Variants in DAB1 observed in about 807,000 individuals in gnomAD.
The protein encoded by DAB1 is disabled homolog 1.
A neutral mutation model predicts 64.6 loss-of-function variants in DAB1; 15 were observed. That is an observed-to-expected ratio of 0.23 (90% confidence interval 0.16 to 0.36). The LOEUF (loss-of-function observed/expected upper bound fraction) is 0.36, where lower values mean the gene tolerates loss of function less well. Ranked by LOEUF, DAB1 falls within the 10% of genes least tolerant of loss-of-function variation. The pLI, the probability that DAB1 is intolerant of heterozygous loss-of-function variation, is 1.00. For missense variants in DAB1, 596 were observed against 706.7 expected, an observed-to-expected ratio of 0.84 and a Z score of 1.78; for synonymous variants, 235 against 251.9, an observed-to-expected ratio of 0.93 and a Z score of 0.64.
At chr1:57,965,666 C>G (rs370186901) in intron 5 of DAB1, among the ~76,000 whole-genome samples, 64 of 152,236 alleles carry the variant, frequency 4.2e-4, no homozygotes, top group African/African-American at 1.5e-3. Flanking sequence ...CCCTTCATCT[C>G]TCCATCCAAC....
chr1:57,572,800 G>C (rs908213863), intron 7 of DAB1, among the ~76,000 whole-genome samples: 1 of 152,180 alleles, frequency 6.6e-6, no homozygotes, highest in Admixed American at 6.5e-5. Context: ...GAGGCCTCAG[G>C]AGGCTTATAA....
At chr1:57,377,403 C>T (rs193161109) in intron 1 of DAB1, among the ~76,000 whole-genome samples, 22 of 152,226 alleles carry the variant, frequency 1.4e-4, no homozygotes, top group Non-Finnish European at 2.6e-4. Context: ...ATGAAGATAC[C>T]TGAGCACCAC....
At chr1:57,902,249 C>G (rs1286601458) in intron 5 of DAB1, among the ~76,000 whole-genome samples, 1 of 151,878 alleles carries the variant, frequency 6.6e-6, no homozygotes, top group East Asian at 1.9e-4. Context: ...ACTAGATTCA[C>G]CAAATGTTAA....
intron 2 of DAB1, among the ~76,000 whole-genome samples, chr1:57,154,013 T>C (rs1659974754): frequency 1.3e-5 from 2 of 152,198 alleles, no homozygotes; most frequent in African/African-American, 4.8e-5. Flanking sequence ...TCATGGAGAA[T>C]GGAGTATCTA....
chr1:57,778,175 T>C (rs1341836096), intron 6 of DAB1, among the ~76,000 whole-genome samples: 2 of 152,084 alleles, frequency 1.3e-5, no homozygotes, highest in Non-Finnish European at 2.9e-5. Context: ...CATATGCATA[T>C]GATATGATAG....
intron 5 of DAB1, among the ~76,000 whole-genome samples, chr1:57,953,063 T>A (rs959453676): frequency 1.3e-5 from 2 of 152,246 alleles, no homozygotes; most frequent in African/African-American, 2.4e-5. Flanking sequence ...GAGTCTCATC[T>A]TATAGAGGCA....
At chr1:57,028,196 T>C (rs189619580) in intron 9 of DAB1, among the ~76,000 whole-genome samples, 8 of 152,286 alleles carry the variant, frequency 5.3e-5, no homozygotes, top group African/African-American at 1.9e-4. Flanking sequence ...TGGGGGCTGG[T>C]CTTTCCCATT....
At chr1:57,355,005 G>A (rs1424464) in intron 1 of DAB1, among the ~76,000 whole-genome samples, 75,961 of 151,946 alleles carry the variant, frequency 0.5, 19,720 homozygotes, top group African/African-American at 0.55. Flanking sequence ...CCAAAACTGA[G>A]TGTCTTCTTG....
intron 4 of DAB1, among the ~76,000 whole-genome samples, chr1:57,113,521 C>T (rs1028845099): frequency 1.3e-5 from 2 of 152,168 alleles, no homozygotes; most frequent in African/African-American, 4.8e-5. Flanking sequence ...CAACTCAATG[C>T]TGCCTTTATA....
intron 4 of DAB1, among the ~76,000 whole-genome samples, chr1:57,081,207 G>T (rs1652517598): frequency 6.6e-6 from 1 of 152,152 alleles, no homozygotes; most frequent in Admixed American, 6.5e-5. Context: ...AAATGGGAAT[G>T]ATTCCTTTCT....
At chr1:58,468,786 T>G (rs72669887) in intron 3 of DAB1, 7,475 of 154,974 alleles carry the variant, frequency 0.048, 238 homozygotes, top group East Asian at 0.12. Flanking sequence ...CCATCTCATG[T>G]GCAGCAGGAA....
intron 5 of DAB1, among the ~76,000 whole-genome samples, chr1:58,061,674 G>A (rs907602397): frequency 6.6e-6 from 1 of 152,154 alleles, no homozygotes; most frequent in African/African-American, 2.4e-5. Context: ...ATAAATTTGG[G>A]GTGAGAGGAG....
chr1:57,394,066 GT>G (rs1292515972), intron 1 of DAB1, among the ~76,000 whole-genome samples: 1 of 152,164 alleles, frequency 6.6e-6, no homozygotes, highest in Non-Finnish European at 1.5e-5. Flanking sequence ...TGCTGTAATT[GT>G]TTATATGAGC....
At chr1:57,790,342 T>C (rs918668181) in intron 6 of DAB1, among the ~76,000 whole-genome samples, 15 of 152,168 alleles carry the variant, frequency 9.9e-5, no homozygotes, top group Admixed American at 7.2e-4. Context: ...CTTCTCCTTG[T>C]TGCTGCCATG....
In DAB1 at chr1:57,431,156, AAGAAAAAC is replaced by A. The variant is rs558670190; in HGVS notation, n.626-139998_626-139991del. ...TCAGGCCAAAAACAAAAAAAAAAAA[AAGAAAAAC>A]AAAAAAAAAGAAGACAGAATGTAAA... On this transcript the variant is annotated intron_variant and non_coding_transcript_variant, in intron 7 of 20. Transcript: ENST00000485760. Among the ~76,000 whole-genome samples the A allele has an allele frequency of 6.8e-3, 1,026 of 151,166 alleles. 6 individuals are homozygous for A. The highest frequency in any genetic ancestry group is 0.024 in the African/African-American group (980 of 40,852).
chr1:57,276,830 G>A (rs1181383903), intron 2 of DAB1, among the ~76,000 whole-genome samples: 1 of 152,076 alleles, frequency 6.6e-6, no homozygotes, highest in Admixed American at 6.6e-5. Context: ...AACTATAATT[G>A]TTTCTTATTT....
intron 1 of DAB1, among the ~76,000 whole-genome samples, chr1:57,360,427 AT>A (rs1207852084): frequency 2.6e-5 from 4 of 152,074 alleles, no homozygotes; most frequent in Non-Finnish European, 4.4e-5. Context: ...AATACTACTC[AT>A]ACAAGCCATC....
chr1:58,045,328 G>C (rs1647215598), intron 5 of DAB1, among the ~76,000 whole-genome samples: 1 of 152,154 alleles, frequency 6.6e-6, no homozygotes, highest in Non-Finnish European at 1.5e-5. Flanking sequence ...ATACCGAGGG[G>C]GTAAGGGCTA....
At chr1:58,486,783 G>C (rs920086935) in intron 3 of DAB1, among the ~76,000 whole-genome samples, 1 of 152,208 alleles carries the variant, frequency 6.6e-6, no homozygotes, top group Admixed American at 6.5e-5. Flanking sequence ...CTAAAGAACT[G>C]AGGGAAGAAT....
Sources: allele counts gnomAD v4.1 joint callset (sites outside exome capture counted in the v4.1 genomes callset), GRCh38; gene constraint gnomAD v4.1.1; transcripts MANE v1.5; gene names NCBI Gene and HGNC (gene_info 2026-07-23, HGNC 2026-07-21).